PNPLA8: variants seen among roughly 807,000 people sequenced by gnomAD.
PNPLA8 encodes calcium-independent phospholipase A2-gamma.
PNPLA8 carries 39 observed loss-of-function variants against 76.9 expected under a neutral mutation model. The ratio of observed to expected loss-of-function variants is 0.51; its 90% CI spans 0.39 to 0.66. The LOEUF (loss-of-function observed/expected upper bound fraction) is 0.66, where lower values mean the gene tolerates loss of function less well. PNPLA8 is among the 30% of genes least tolerant of loss of function. The pLI, the probability that PNPLA8 is intolerant of heterozygous loss-of-function variation, is 0.00. For synonymous variants in PNPLA8, 301 were observed against 307.9 expected, an observed-to-expected ratio of 0.98 and a Z score of 0.24; for missense variants, 887 against 918.0, an observed-to-expected ratio of 0.97 and a Z score of 0.44.
At chr7:108,487,672 T>C in intron 9 of PNPLA8, 87 bp downstream of exon 9, 1 of 718,462 alleles carries the variant, frequency 1.4e-6, no homozygotes. Flanking sequence ...CCTAGGTTGA[T>C]CCTTCTGAAG....
At chr7:108,514,028 A>G (rs1358455324) in intron 4 of PNPLA8, 116 bp downstream of exon 4, 1 of 705,198 alleles carries the variant, frequency 1.4e-6, no homozygotes, top group Non-Finnish European at 2.5e-6. Context: ...CATCACATGT[A>G]TAATAAAAAC....
intron 7 of PNPLA8, 144 bp from the exon 8 acceptor site, chr7:108,491,611 G>A (rs747561244): frequency 4.6e-4 from 275 of 595,352 alleles, no homozygotes; most frequent in Non-Finnish European, 9.2e-5. Flanking sequence ...CCTCTAGGAG[G>A]CTTATAATTC....
At chr7:108,486,038 C>G (rs1023007183) in intron 9 of PNPLA8, among the ~76,000 whole-genome samples, 1 of 152,010 alleles carries the variant, frequency 6.6e-6, no homozygotes, top group Non-Finnish European at 1.5e-5. Flanking sequence ...ATAAAAATGT[C>G]TAAGCGTGAA....
chr7:108,505,626 G>A (rs1862365467), intron 4 of PNPLA8, among the ~76,000 whole-genome samples: 1 of 151,722 alleles, frequency 6.6e-6, no homozygotes, highest in South Asian at 2.1e-4. Flanking sequence ...CTCCCGAAGT[G>A]CTAGGATTAG....
intron 7 of PNPLA8, among the ~76,000 whole-genome samples, chr7:108,491,894 T>C (rs1216925868): frequency 2.0e-5 from 3 of 152,232 alleles, no homozygotes; most frequent in African/African-American, 4.8e-5. Flanking sequence ...TGCAGAAGTA[T>C]GCACGGGCTA....
Position 108,514,911 on chromosome 7 carries a change from C to A in PNPLA8, c.581G>T (p.Ser194Ile), listed in dbSNP as rs762692852. 6.2e-7 allele frequency: 1 copy of A among 1,609,122 alleles called. No individual in the cohort carries two copies. Among genetic ancestry groups the A allele is most frequent in the African/African-American group, 1.3e-5 (1 of 74,396 alleles). ...IGKRSLFHYT[S>I]SITTKFGDSF... Reference sequence around the variant, plus strand: ...GTCTCCAAATTTTGTGGTTATAGAACTTGTGTAATGAAAAAGACTGCGTTT... The same window carrying A: ...GTCTCCAAATTTTGTGGTTATAGAAATTGTGTAATGAAAAAGACTGCGTTT... Residue 194 changes from serine to isoleucine, a missense_variant, in exon 3 of 11, where the codon AGT (serine) becomes ATT (isoleucine). By Grantham distance (142) the Ser-to-Ile change is moderately radical (BLOSUM62 -2). Transcript: ENST00000257694.
At chr7:108,487,135 G>A (rs898811668) in intron 9 of PNPLA8, among the ~76,000 whole-genome samples, 1 of 152,124 alleles carries the variant, frequency 6.6e-6, no homozygotes, top group Non-Finnish European at 1.5e-5. Flanking sequence ...CACTTTTACA[G>A]CTAGTGTACA....
At chr7:108,505,325 TATATATATATATATATATA>T (rs1862288739) in intron 4 of PNPLA8, among the ~76,000 whole-genome samples, 10 of 9,194 alleles carry the variant, frequency 1.1e-3, no homozygotes, top group East Asian at 2.7e-3. Flanking sequence ...TATATATATA[TATATATATATATATATATA>T]TATATATATT....
upstream of PNPLA8, chr7:108,526,222 C>G (rs912105702): frequency 2.6e-6 from 1 of 389,918 alleles, no homozygotes; most frequent in Non-Finnish European, 3.5e-6. Flanking sequence ...GGTCTACCCG[C>G]GGGCCGGGGT....
chr7:108,495,778 A>G (rs539403390), intron 7 of PNPLA8, among the ~76,000 whole-genome samples: 6 of 152,352 alleles, frequency 3.9e-5, no homozygotes, highest in African/African-American at 1.2e-4. Context: ...AATGATTAAG[A>G]AAGTGTAACA....
At chr7:108,504,085 A>T (rs867473285) in intron 4 of PNPLA8, among the ~76,000 whole-genome samples, 4 of 152,360 alleles carry the variant, frequency 2.6e-5, no homozygotes, top group South Asian at 4.1e-4. Flanking sequence ...GGCAAACTAG[A>T]GGTCTTACCC....
At position 108,472,547 on chromosome 7, in the gene PNPLA8, A is replaced by C; in HGVS notation, c.2203T>G (p.Leu735Val). 1.2e-6 allele frequency: 2 copies of C among 1,613,210 alleles called. No individual in the cohort carries two copies. The highest frequency in any genetic ancestry group is 1.1e-5 in the South Asian group (1 of 90,798). The change falls in exon 11 of 11, where the codon TTG (leucine) becomes GTG (valine). Residue 735 changes from leucine to valine, a missense_variant. Physicochemically the swap from Leu to Val is conservative, Grantham distance 32 (BLOSUM62 1). Coordinates refer to ENST00000257694, the MANE Select transcript of PNPLA8 (RefSeq NM_001256007.3). ...EKLDQLQLEG[L>V]KYIERNEQKM... ...TGTTCATTTCTTTCTATGTATTTCA[A>C]CCCTTCCAACTGCAGCTGATCCAGC...
chr7:108,519,058 G>A (rs1333668832), intron 2 of PNPLA8, among the ~76,000 whole-genome samples: 3 of 142,716 alleles, frequency 2.1e-5, no homozygotes, highest in East Asian at 2.0e-4. Context: ...AGATAAAATC[G>A]AGGGAAGTTT....
At chr7:108,493,057 A>G (rs536239003) in intron 7 of PNPLA8, among the ~76,000 whole-genome samples, 1 of 152,352 alleles carries the variant, frequency 6.6e-6, no homozygotes, top group East Asian at 1.9e-4. Flanking sequence ...AGCTCCGGCA[A>G]GAACAGAAGA....
At chr7:108,499,049 T>C (rs1861760149) in intron 5 of PNPLA8, among the ~76,000 whole-genome samples, 1 of 152,246 alleles carries the variant, frequency 6.6e-6, no homozygotes, top group African/African-American at 2.4e-5. Context: ...AGAGTTAAGA[T>C]ATCTTATGAA....
chr7:108,479,234 C>T lies in PNPLA8; in HGVS notation c.2024G>A (p.Ser675Asn), dbSNP rs778522870. The stretch of plus-strand genomic sequence containing the variant: ...AACATTAGAAAGTTTAGTTTTCAAG[C>T]TTGTGTATGTTACCGTGTTTCTCAC... The part of the protein sequence containing the change: ...SDVRNTVTYT[S>N]LKTKLSNVIN... Residue 675 changes from serine (S) to asparagine (N), a missense_variant, in exon 10 of 11, where the codon AGC becomes AAC. Coordinates refer to ENST00000257694, the MANE Select transcript of PNPLA8 (RefSeq NM_001256007.3). The T allele has an allele frequency of 6.2e-7, 1 of 1,613,630 alleles. No individual in the cohort carries two copies. The highest frequency in any genetic ancestry group is 8.5e-7 in the Non-Finnish European group (1 of 1,179,554).
intron 4 of PNPLA8, among the ~76,000 whole-genome samples, chr7:108,503,385 A>C (rs1598926795): frequency 6.6e-6 from 1 of 152,096 alleles, no homozygotes; most frequent in Admixed American, 6.5e-5. Flanking sequence ...AAATCAAACA[A>C]TTTTCCTAGG....
rs764683703 is a variant in PNPLA8 at position 108,497,541 on chromosome 7, A to T, written c.1395T>A (p.Val465=). ...GATGAACTGGCTTCTGAGTAAGTTC[A>T]ACTAATTTTCGTAGGGTCTGGAGAG... is the stretch of plus-strand genomic sequence containing the variant. ...VVALQTLRKL[V]ELTQKPVHQL... Residue 465 remains valine, a synonymous_variant, in exon 6 of 11, where the codon GTT becomes GTA. Transcript: ENST00000257694. 8 of 1,612,488 alleles carry T rather than the reference A, an allele frequency of 5.0e-6. No homozygotes were observed. Among genetic ancestry groups the T allele is most frequent in the Non-Finnish European group, 6.8e-6 (8 of 1,179,058 alleles).
At chr7:108,506,406 G>T (rs1862429255) in intron 4 of PNPLA8, among the ~76,000 whole-genome samples, 1 of 152,012 alleles carries the variant, frequency 6.6e-6, no homozygotes, top group Non-Finnish European at 1.5e-5. Context: ...TAAAGTGTTG[G>T]AGAGAAAGTA....
Sources: gnomAD v4.1 joint callset for allele counts (sites outside exome capture counted in the v4.1 genomes callset) on GRCh38, gnomAD v4.1.1 for gene constraint, MANE v1.5 for transcripts, NCBI Gene and HGNC (gene_info 2026-07-23, HGNC 2026-07-21) for gene names.